OR10H5: variants seen among roughly 807,000 people sequenced by gnomAD.
The protein encoded by OR10H5 is olfactory receptor family 10 subfamily H member 5, also known as olfactory receptor 10H5.
A neutral mutation model predicts 12.2 loss-of-function variants in OR10H5; 7 were observed. That is an observed-to-expected ratio of 0.57 (90% CI 0.33 to 1.07). OR10H5 has a LOEUF of 1.07. Among genes scored for constraint, OR10H5 ranks in the 50% least tolerant of loss-of-function variants. The pLI is 0.04. For synonymous variants in OR10H5, 159 were observed against 175.1 expected (o/e 0.91, Z 0.73); for missense variants, 346 against 411.6 (o/e 0.84, Z 1.38).
chr19:15,790,430 T>TAACC (rs2088804878), intron 1 of OR10H5, among the ~76,000 whole-genome samples: 1 of 152,156 alleles, frequency 6.6e-6, no homozygotes, highest in Non-Finnish European at 1.5e-5. Flanking sequence ...CCAGGGCAGG[T>TAACC]CTCTGGTTAT....
At chr19:15,789,786 C>CTTTTTTTTTTTTTTTTTTTT in intron 1 of OR10H5, among the ~76,000 whole-genome samples, 1 of 137,646 alleles carries the variant, frequency 7.3e-6, no homozygotes. Context: ...CTTTTCTTTT[C>CTTTTTTTTTTTTTTTTTTTT]TTTTTTTTTT....
In OR10H5 at chr19:15,798,244, C is replaced by T. The variant is rs2088850777; in HGVS notation, c.*3248C>T. On this transcript the variant is annotated 3_prime_UTR_variant, in exon 2 of 2. Transcript: ENST00000642092. ...AAAATAGGATTAAGTGCCAAAAGTTCAGTGAGAACACAGCAGGTCTGGGGG... is the reference window on the plus strand; with the variant it reads ...AAAATAGGATTAAGTGCCAAAAGTTTAGTGAGAACACAGCAGGTCTGGGGG... 1 of 152,010 alleles carries T rather than the reference C, an allele frequency of 6.6e-6. No homozygotes were observed. Among genetic ancestry groups the T allele is most frequent in the Non-Finnish European group, 1.5e-5 (1 of 68,010 alleles). The allele number at this position is 152,010 out of a possible 1,614,324, so 9.4% of individuals were successfully genotyped here. A position where few individuals can be genotyped will look rare whatever the true frequency, so the allele number is the denominator to read the frequency against.
At position 15,788,202 on chromosome 19, in the gene OR10H5, G is replaced by A. The variant is rs145225987; in HGVS notation, c.-12+486G>A. Among the ~76,000 whole-genome samples the A allele has an allele frequency of 6.9e-3, 1,045 of 152,200 alleles. 12 individuals are homozygous for A. Among genetic ancestry groups the A allele is most frequent in the Non-Finnish European group, 0.011 (745 of 67,998 alleles). ...ATTGTAGCTGCCATTTCAAAGTGCCGCAAACCTTGTGGCTTAAAACAAGAT... is the reference window on the plus strand; with the variant it reads ...ATTGTAGCTGCCATTTCAAAGTGCCACAAACCTTGTGGCTTAAAACAAGAT... On this transcript the variant is annotated intron_variant, in intron 1 of 1. Transcript: ENST00000642092.
In OR10H5 at chr19:15,794,341, C is replaced by G. The variant is rs529558547; in HGVS notation, c.293C>G (p.Ala98Gly). The change falls in exon 2 of 2, where the codon GCC becomes GGC. Residue 98 changes from alanine to glycine, a missense_variant. Ala to Gly is a moderately conservative substitution (Grantham distance 60). Transcript: ENST00000642092. ...CGCTCCATCGCCTTCCTGGCCTGTG[C>G]CAGTCAGATGTTCTTCTCCTTCAGC... Reference protein sequence around the residue: ...TQRSIAFLACASQMFFSFSFG... With the variant: ...TQRSIAFLACGSQMFFSFSFG... 3.8e-5 allele frequency: 62 copies of G among 1,614,140 alleles called. 1 individual carries two copies. In the East Asian group the frequency reaches 1.3e-3, roughly 35 times the overall value.
rs2088824033 is a variant in OR10H5 at position 15,794,178 on chromosome 19, C to T, written c.130C>T (p.Leu44Phe). ...CCTGTTCACGCTGCTGGGCAACCTG[C>T]TCATCATGGCCACTGTCTGGAGCGA... Reference protein sequence around the residue: ...MYLFTLLGNLLIMATVWSERS... With the variant: ...MYLFTLLGNLFIMATVWSERS... Residue 44 changes from leucine (L) to phenylalanine (F), a missense_variant, in exon 2 of 2, where the codon CTC (leucine) becomes TTC (phenylalanine). Leu to Phe is a conservative substitution (Grantham distance 22, BLOSUM62 0). Transcript: ENST00000642092. 9 of 1,614,170 alleles carry T rather than the reference C, an allele frequency of 5.6e-6. No individual in the cohort carries two copies. The highest frequency in any genetic ancestry group is 5.9e-6 in the Non-Finnish European group (7 of 1,180,012).
intron 1 of OR10H5, among the ~76,000 whole-genome samples, chr19:15,789,017 G>T (rs2033499): frequency 0.03 from 4,511 of 152,076 alleles, 249 homozygotes; most frequent in African/African-American, 0.1. Context: ...ATTTTTCTGA[G>T]GCTCTCCCCA....
At chr19:15,792,207 CA>C (rs1405990221) in intron 1 of OR10H5, among the ~76,000 whole-genome samples, 4 of 148,840 alleles carry the variant, frequency 2.7e-5, no homozygotes, top group Non-Finnish European at 4.6e-5. Context: ...TTTTCATTAT[CA>C]TTTTTTTATT....
In OR10H5 at chr19:15,794,948, C is replaced by T. The variant is rs762687279; in HGVS notation, c.900C>T (p.Val300=). The T allele has an allele frequency of 1.8e-5, 29 of 1,614,074 alleles. No homozygotes were observed. Among genetic ancestry groups the T allele is most frequent in the Admixed American group, 5.0e-5 (3 of 59,996 alleles). Residue 300 remains valine, a synonymous_variant, in exon 2 of 2, where the codon GTC becomes GTT. Coordinates refer to ENST00000642092, the MANE Select transcript of OR10H5 (RefSeq NM_001004466.2). The part of the protein sequence containing the change: ...IFSLRNKELK[V]AMKKTCFTKL... ...GCCTCAGGAACAAGGAGCTGAAGGT[C>T]GCCATGAAGAAGACTTGCTTCACCA...
Position 15,790,333 on chromosome 19 carries a change from T to C in OR10H5, c.-12+2617T>C, listed in dbSNP as rs145738176. 5.6e-3 allele frequency among the ~76,000 whole-genome samples: 856 copies of C among 152,168 alleles called. 11 individuals are homozygous for C. The highest frequency in any genetic ancestry group is 0.02 in the African/African-American group (812 of 41,502). On this transcript the variant is annotated intron_variant, in intron 1 of 1. Coordinates refer to ENST00000642092, the MANE Select transcript of OR10H5 (RefSeq NM_001004466.2). ...CAGCTCAGCAGACAGCAAACAGCAA[T>C]GATGACAGAGATGATCACGACAACG...
In OR10H5 at chr19:15,787,698, C is replaced by T. The variant is rs1424213805; in HGVS notation, c.-30C>T. The T allele has an allele frequency of 2.0e-5, 3 of 152,320 alleles. No homozygotes were observed. Among genetic ancestry groups the T allele is most frequent in the African/African-American group, 7.2e-5 (3 of 41,436 alleles). The allele number at this position is 152,320 out of a possible 1,614,324, so 9.4% of individuals were successfully genotyped here. A position where few individuals can be genotyped will look rare whatever the true frequency, so the allele number is the denominator to read the frequency against. On this transcript the variant is annotated 5_prime_UTR_variant, in exon 1 of 2. Transcript: ENST00000642092. The stretch of plus-strand genomic sequence containing the variant: ...TTACAGGCCTGGCTGCAAGGCGTCC[C>T]TAAAGGTCTCTGATGAAGGTAAGTG...
chr19:15,792,591 A>T (rs544569355), intron 1 of OR10H5, among the ~76,000 whole-genome samples: 1 of 152,156 alleles, frequency 6.6e-6, no homozygotes, highest in Admixed American at 6.6e-5. Flanking sequence ...TCAGCCTCTC[A>T]GGTAGCTGGG....
At chr19:15,793,489 C>T (rs976864543) in intron 1 of OR10H5, among the ~76,000 whole-genome samples, 3 of 151,996 alleles carry the variant, frequency 2.0e-5, no homozygotes, top group African/African-American at 4.8e-5. Flanking sequence ...GTCTCAAACT[C>T]CTGGCCTCAG....
chr19:15,794,308 C>T lies in OR10H5; in HGVS notation c.260C>T (p.Ser87Phe). 3 of 1,614,088 alleles carry T rather than the reference C, an allele frequency of 1.9e-6. No homozygotes were observed. The highest frequency in any genetic ancestry group is 2.2e-5 in the South Asian group (2 of 91,074). ...CCGCGCATGCTGGCCGACCTGCTGTCCACCCAGCGCTCCATCGCCTTCCTG... is the reference window on the plus strand; with the variant it reads ...CCGCGCATGCTGGCCGACCTGCTGTTCACCCAGCGCTCCATCGCCTTCCTG... Reference protein sequence around the residue: ...IIPRMLADLLSTQRSIAFLAC... With the variant: ...IIPRMLADLLFTQRSIAFLAC... Residue 87 changes from serine (S) to phenylalanine (F), a missense_variant, in exon 2 of 2, where the codon TCC becomes TTC. Physicochemically the swap from Ser to Phe is radical, Grantham distance 155. Coordinates refer to ENST00000642092, the MANE Select transcript of OR10H5 (RefSeq NM_001004466.2).
At chr19:15,789,895 C>G (rs972362296) in intron 1 of OR10H5, among the ~76,000 whole-genome samples, 1 of 151,424 alleles carries the variant, frequency 6.6e-6, no homozygotes, top group Non-Finnish European at 1.5e-5. Context: ...AATCCTCTCA[C>G]CTCAGCCTCC....
intron 1 of OR10H5, among the ~76,000 whole-genome samples, chr19:15,791,938 C>A (rs930013574): frequency 6.6e-6 from 1 of 151,950 alleles, no homozygotes; most frequent in African/African-American, 2.4e-5. Flanking sequence ...CATGATCTGC[C>A]CGTCTCAGCC....
rs2088853885 is a variant in OR10H5, at chr19:15,798,861, A to G, written c.*3865A>G. 2 of 140,652 alleles carry G rather than the reference A, an allele frequency of 1.4e-5. No homozygotes were observed. Among genetic ancestry groups the G allele is most frequent in the African/African-American group, 5.4e-5 (2 of 36,922 alleles). 8.7% of individuals were successfully genotyped at this position (140,652 alleles called of 1,614,324 possible). A position where few individuals can be genotyped will look rare whatever the true frequency, so the allele number is the denominator to read the frequency against. Reference sequence around the variant, plus strand: ...AGCCTCTGCCTCCCGGGTTCAAGCGATTTTTCTGCCTCAGCTTCCCAAGTA... The same window carrying G: ...AGCCTCTGCCTCCCGGGTTCAAGCGGTTTTTCTGCCTCAGCTTCCCAAGTA... On this transcript the variant is annotated 3_prime_UTR_variant, in exon 2 of 2. Coordinates refer to ENST00000642092, the MANE Select transcript of OR10H5 (RefSeq NM_001004466.2).
chr19:15,794,804 C>G lies in OR10H5; in HGVS notation c.756C>G (p.His252Gln). ...CASHLTVVVV[H>Q]YGFASVIYLK... ...CTCACCTCACTGTGGTGGTCGTGCA[C>G]TATGGCTTTGCCTCCGTCATTTACC... The change falls in exon 2 of 2, where the codon CAC becomes CAG. Residue 252 changes from histidine to glutamine, a missense_variant. Transcript: ENST00000642092. 6.2e-7 allele frequency: 1 copy of G among 1,614,196 alleles called. No homozygotes were observed. The highest frequency in any genetic ancestry group is 8.5e-7 in the Non-Finnish European group (1 of 1,180,040).
In OR10H5 at chr19:15,798,005, A is replaced by G. The variant is rs1425352989; in HGVS notation, c.*3009A>G. 7.2e-6 allele frequency: 1 copy of G among 139,692 alleles called. No homozygotes were observed. The highest frequency in any genetic ancestry group is 1.5e-5 in the Non-Finnish European group (1 of 66,444). 8.7% of individuals were successfully genotyped at this position (139,692 alleles called of 1,614,324 possible). ...TGTTGCAGTGAGTCAAGATCGTGCC[A>G]CTGCACTCCAGCCTGGGCGACAAGA... On this transcript the variant is annotated 3_prime_UTR_variant, in exon 2 of 2. Transcript: ENST00000642092.
Position 15,794,191 on chromosome 19 carries a change from C to A in OR10H5, c.143C>A (p.Thr48Asn). ...TLLGNLLIMA[T>N]VWSERSLHMP... ...CTGGGCAACCTGCTCATCATGGCCA[C>A]TGTCTGGAGCGAGCGCAGCCTCCAC... The change falls in exon 2 of 2, where the codon ACT becomes AAT. Residue 48 changes from threonine to asparagine, a missense_variant. Transcript: ENST00000642092. The A allele has an allele frequency of 6.8e-6, 11 of 1,614,192 alleles. No individual in the cohort carries two copies. Among genetic ancestry groups the A allele is most frequent in the Non-Finnish European group, 9.3e-6 (11 of 1,180,028 alleles).
Sources: gnomAD v4.1 joint callset for allele counts (sites outside exome capture counted in the v4.1 genomes callset) on GRCh38, gnomAD v4.1.1 for gene constraint, MANE v1.5 for transcripts, NCBI Gene and HGNC (gene_info 2026-07-23, HGNC 2026-07-21) for gene names.